The following PLCH2 variants were observed in gnomAD, a reference collection of about 807,000 sequenced individuals.
The protein encoded by PLCH2 is phospholipase C eta 2, also known as 1-phosphatidylinositol 4,5-bisphosphate phosphodiesterase eta-2.
A neutral mutation model predicts 134.7 loss-of-function variants in PLCH2; 98 were observed. The ratio of observed to expected loss-of-function variants is 0.73; its 90% CI spans 0.62 to 0.86. The LOEUF is 0.86. PLCH2 is among the 40% of genes least tolerant of loss of function. The pLI is 0.00. For missense variants in PLCH2, 1,994 were observed against 1,986.6 expected (o/e 1.00, Z -0.07); for synonymous variants, 974 against 827.5 (o/e 1.18, Z -3.04).
chr1:2,451,813 C>T (rs755888068), intron 2 of PLCH2, among the ~76,000 whole-genome samples: 4 of 152,028 alleles, frequency 2.6e-5, no homozygotes, highest in East Asian at 1.9e-4. Flanking sequence ...GCCCCCACTG[C>T]GTCTGGGCTG....
At chr1:2,499,593 C>A in intron 19 of PLCH2, 48 bp from the exon 20 acceptor site, 1 of 1,374,538 alleles carries the variant, frequency 7.3e-7, no homozygotes, top group Non-Finnish European at 1.0e-6. Flanking sequence ...CAGGTGGGGG[C>A]CCTGGGAGGC....
chr1:2,467,178 G>A (rs1434195127), upstream of PLCH2, among the ~76,000 whole-genome samples: 1 of 151,930 alleles, frequency 6.6e-6, no homozygotes, highest in Non-Finnish European at 1.5e-5. Context: ...GAGGAGCCCT[G>A]CCGGGAGGGA....
chr1:2,422,951 A>T (rs189161602), upstream of PLCH2, among the ~76,000 whole-genome samples: 1 of 152,196 alleles, frequency 6.6e-6, no homozygotes, highest in Non-Finnish European at 1.5e-5. Flanking sequence ...AGATTTTTCA[A>T]ATCTTGACAC....
chr1:2,446,764 GGCAGAGGGGTCGGGGCCT>G (rs1397965447), intron 2 of PLCH2, among the ~76,000 whole-genome samples: 1 of 152,136 alleles, frequency 6.6e-6, no homozygotes, highest in Non-Finnish European at 1.5e-5. Context: ...GGTTGGGGCT[GGCAGAGGGGTCGGGGCCT>G]GCAGAGGGGT....
At chr1:2,425,019 C>T (rs930303671), upstream of PLCH2, among the ~76,000 whole-genome samples, 17 of 151,682 alleles carry the variant, frequency 1.1e-4, no homozygotes, top group African/African-American at 3.4e-4. Context: ...CAAAATTAGA[C>T]GTGCGTGGTG....
upstream of PLCH2, among the ~76,000 whole-genome samples, chr1:2,472,206 G>A (rs1227464683): frequency 6.6e-6 from 1 of 152,204 alleles, no homozygotes; most frequent in African/African-American, 2.4e-5. Context: ...CGTGCGGGGG[G>A]ACAAGTGGCT....
chr1:2,495,941 G>C (rs1642860556), intron 13 of PLCH2, among the ~76,000 whole-genome samples: 1 of 152,186 alleles, frequency 6.6e-6, no homozygotes, highest in Admixed American at 6.5e-5. Flanking sequence ...CAGTCAGGCT[G>C]AATTCAAGGC....
At chr1:2,482,171 G>C (rs971387864) in intron 4 of PLCH2, among the ~76,000 whole-genome samples, 3 of 152,232 alleles carry the variant, frequency 2.0e-5, no homozygotes, top group Admixed American at 2.0e-4. Flanking sequence ...TCTAGGGTGG[G>C]GCTCAGGCCC....
intron 1 of PLCH2, among the ~76,000 whole-genome samples, chr1:2,468,169 T>C (rs974133937): frequency 6.6e-6 from 1 of 152,090 alleles, no homozygotes; most frequent in African/African-American, 2.4e-5. Flanking sequence ...CTGATCGAGG[T>C]TGGCAAAGGT....
intron 2 of PLCH2, among the ~76,000 whole-genome samples, chr1:2,455,152 T>C (rs1397371250): frequency 1.3e-5 from 2 of 152,204 alleles, no homozygotes; most frequent in Non-Finnish European, 2.9e-5. Context: ...CCATGCTCTT[T>C]TCTGAGATAG....
chr1:2,473,731 C>G (rs1196087363), upstream of PLCH2, among the ~76,000 whole-genome samples: 2 of 152,232 alleles, frequency 1.3e-5, no homozygotes, highest in African/African-American at 4.8e-5. Flanking sequence ...CGGGGTCAGG[C>G]AGTGCTCTGA....
At chr1:2,429,667 C>T (rs1283746221) in intron 1 of PLCH2, among the ~76,000 whole-genome samples, 1 of 152,164 alleles carries the variant, frequency 6.6e-6, no homozygotes. Context: ...ACCAAAGGGG[C>T]CTTGATTCAC....
chr1:2,479,724 C>A lies in PLCH2; in HGVS notation c.272-10C>A. On this transcript the variant is annotated splice_polypyrimidine_tract_variant and intron_variant, in intron 2 of 21. Transcript: ENST00000378486. The stretch of plus-strand genomic sequence containing the variant: ...GGGGACCTGACCCGTGCTCCCTCCC[C>A]ACCCCGCAGTCTCCATCGACTCCAT... 1.3e-6 allele frequency: 2 copies of A among 1,529,428 alleles called. No homozygotes were observed. The highest frequency in any genetic ancestry group is 1.8e-6 in the Non-Finnish European group (2 of 1,130,392). The allele number at this position is 1,529,428 out of a possible 1,614,324, so 94.7% of individuals were successfully genotyped here.
Position 2,498,871 on chromosome 1 carries a change from T to C in PLCH2, c.2434+43T>C, listed in dbSNP as rs376324256. ...CTCCGTCACACCTGTGATGGAAGTC[T>C]GAGGGGGGAGGGTTGGGGCTACCTG... On this transcript the variant is annotated intron_variant, in intron 18 of 21. Transcript: ENST00000378486. The surrounding 1 kb of genome is among the most constrained non-coding windows in gnomAD (Gnocchi z 5.4). The C allele has an allele frequency of 8.6e-6, 13 of 1,509,154 alleles. No individual in the cohort carries two copies. Among genetic ancestry groups the C allele is most frequent in the Non-Finnish European group, 1.1e-5 (12 of 1,095,848 alleles). 93.5% of individuals were successfully genotyped at this position (1,509,154 alleles called of 1,614,324 possible). A position where few individuals can be genotyped will look rare whatever the true frequency, so the allele number is the denominator to read the frequency against.
intron 5 of PLCH2, among the ~76,000 whole-genome samples, 192 bp from the exon 6 acceptor site, chr1:2,486,715 T>C (rs1206826090): frequency 1.3e-5 from 2 of 152,200 alleles, no homozygotes; most frequent in Non-Finnish European, 2.9e-5. Context: ...TCAGAGTTCA[T>C]AGTCAGAGCA....
intron 4 of PLCH2, 136 bp from the exon 5 acceptor site, chr1:2,484,312 G>A (rs1448705499): frequency 1.8e-5 from 15 of 818,710 alleles, no homozygotes; most frequent in East Asian, 2.7e-5. Flanking sequence ...ATTGGAGGCC[G>A]TGACAAGGGC....
At chr1:2,485,230 C>T (rs1642226618) in intron 5 of PLCH2, among the ~76,000 whole-genome samples, 1 of 55,042 alleles carries the variant, frequency 1.8e-5, no homozygotes. Flanking sequence ...AAGTGCTGCC[C>T]CACTGACCAA....
intron 2 of PLCH2, among the ~76,000 whole-genome samples, chr1:2,452,901 G>A (rs1486259842): frequency 1.3e-5 from 2 of 152,234 alleles, no homozygotes; most frequent in Non-Finnish European, 2.9e-5. Context: ...ACAGCCTGGA[G>A]GAAGGGTGCC....
At chr1:2,484,844 G>A (rs927308190) in intron 5 of PLCH2, among the ~76,000 whole-genome samples, 27 of 152,282 alleles carry the variant, frequency 1.8e-4, no homozygotes, top group Admixed American at 1.5e-3. Context: ...CTTTAGTTTT[G>A]ATATTACAGG....
Sources: allele counts gnomAD v4.1 joint callset (sites outside exome capture counted in the v4.1 genomes callset), GRCh38; gene constraint gnomAD v4.1.1; non-coding constraint Gnocchi (gnomAD v3.1); transcripts MANE v1.5; gene names NCBI Gene and HGNC (gene_info 2026-07-23, HGNC 2026-07-21).